The following ZNF836 variants were observed in gnomAD, a reference collection of about 807,000 sequenced individuals.
The protein encoded by ZNF836 is zinc finger protein 836.
A neutral mutation model predicts 7.4 loss-of-function variants in ZNF836; 12 were observed. The ratio of observed to expected loss-of-function variants is 1.61; its 90% CI spans 1.03 to 2.61. The LOEUF (loss-of-function observed/expected upper bound fraction) is 2.61. Ranked by LOEUF, ZNF836 falls within the 30% of genes most tolerant of loss-of-function variation. ZNF836 has a pLI of 0.00. For missense variants in ZNF836, 998 were observed against 1,126.2 expected, an observed-to-expected ratio of 0.89 and a Z score of 1.63; for synonymous variants, 365 against 382.6, an observed-to-expected ratio of 0.95 and a Z score of 0.54.
In ZNF836 at chr19:52,158,685, G is replaced by A. The variant is rs185023570; in HGVS notation, c.143-1145C>T. Among the ~76,000 whole-genome samples the A allele has an allele frequency of 2.7e-3, 413 of 152,264 alleles. 2 individuals carry two copies. Among genetic ancestry groups the A allele is most frequent in the Non-Finnish European group, 4.0e-3 (275 of 68,032 alleles). On this transcript the variant is annotated intron_variant, in intron 4 of 4. Coordinates refer to ENST00000682614, the MANE Select transcript of ZNF836 (RefSeq NM_001102657.3). ...TTGAACCCAGGAGGCAGAGGTTGTA[G>A]TGAGCTGAGATCGCGCCACAGCACT...
chr19:52,161,664 A>C lies in ZNF836; in HGVS notation c.16-1073T>G, dbSNP rs1413636716. Among the ~76,000 whole-genome samples the C allele has an allele frequency of 2.0e-5, 3 of 152,162 alleles. No homozygotes were observed. Among genetic ancestry groups the C allele is most frequent in the African/African-American group, 2.4e-5 (1 of 41,426 alleles). ...GAATTGTGGAGGAGAAAAAAAAAAA[A>C]AACTCAGACTGTAACATTCCACCCC... is the stretch of plus-strand genomic sequence containing the variant. On this transcript the variant is annotated intron_variant, in intron 3 of 4. Transcript: ENST00000682614. The surrounding 1 kb of genome is among the most constrained non-coding windows in gnomAD (Gnocchi z 4.1).
Position 52,156,187 on chromosome 19 carries a change from T to C in ZNF836, c.1496A>G (p.Lys499Arg). Residue 499 changes from lysine to arginine, a missense_variant, in exon 5 of 5, where the codon AAA (lysine) becomes AGA (arginine). Transcript: ENST00000682614. ...RRIHTGEKPY[K>R]CDKCGKAFKQ... ...AAAGGCTTTACCACATTTATCACAT[T>C]TGTAAGGTTTCTCTCCAGTATGAAT... 3 of 1,614,198 alleles carry C rather than the reference T, an allele frequency of 1.9e-6. No homozygotes were observed. Among genetic ancestry groups the C allele is most frequent in the East Asian group, 2.2e-5 (1 of 44,882 alleles).
At position 52,156,657 on chromosome 19, in the gene ZNF836, G is replaced by C; in HGVS notation, c.1026C>G (p.Gly342=). 6.2e-7 allele frequency: 1 copy of C among 1,613,950 alleles called. No individual in the cohort carries two copies. Among genetic ancestry groups the C allele is most frequent in the Non-Finnish European group, 8.5e-7 (1 of 1,179,950 alleles). The change falls in exon 5 of 5, where the codon GGC becomes GGG. Residue 342 remains glycine, a synonymous_variant. Coordinates refer to ENST00000682614, the MANE Select transcript of ZNF836 (RefSeq NM_001102657.3). The part of the protein sequence containing the change: ...CNECGKTFKQ[G]SCLTTHQIIH... ...TTATCTGATGTGTAGTGAGGCATGA[G>C]CCTTGTTTGAAGGTTTTCCCACACT...
chr19:52,170,827 G>C (rs1479246237), intron 1 of ZNF836, among the ~76,000 whole-genome samples: 2 of 152,122 alleles, frequency 1.3e-5, no homozygotes, highest in Non-Finnish European at 2.9e-5. Context: ...AGTAAGAAAG[G>C]GGAGGAATAG....
intron 3 of ZNF836, among the ~76,000 whole-genome samples, chr19:52,164,850 G>A (rs1361362892): frequency 6.6e-6 from 1 of 152,198 alleles, no homozygotes; most frequent in Non-Finnish European, 1.5e-5. Context: ...CACTTCTGGA[G>A]GCTAAGGCAA....
rs190946118 is a variant in ZNF836 at position 52,166,222 on chromosome 19, C to A, written c.15+1836G>T. Among the ~76,000 whole-genome samples, 10 of 152,248 alleles carry A rather than the reference C, an allele frequency of 6.6e-5. No homozygotes were observed. In the East Asian group the frequency reaches 1.9e-3, roughly 30 times the overall value. ...GGCCAGGCTGGTCTCTAACTCCTGACCTGGTGATCCGCCTGCCTCAGCCTT... is the reference window on the plus strand; with the variant it reads ...GGCCAGGCTGGTCTCTAACTCCTGAACTGGTGATCCGCCTGCCTCAGCCTT... On this transcript the variant is annotated intron_variant, in intron 3 of 4. Coordinates refer to ENST00000682614, the MANE Select transcript of ZNF836 (RefSeq NM_001102657.3).
chr19:52,166,772 G>A (rs895822140), intron 3 of ZNF836, among the ~76,000 whole-genome samples: 2 of 151,062 alleles, frequency 1.3e-5, no homozygotes, highest in African/African-American at 4.9e-5. Context: ...GTAGAGACGG[G>A]GTTTCACCTT....
intron 3 of ZNF836, among the ~76,000 whole-genome samples, chr19:52,164,746 T>C (rs567344178): frequency 6.6e-6 from 1 of 152,244 alleles, no homozygotes; most frequent in South Asian, 2.1e-4. Flanking sequence ...TGAATATATA[T>C]AACATTACTT....
At chr19:52,160,740 T>C (rs2089206531) in intron 3 of ZNF836, 149 bp from the exon 4 acceptor site, 1 of 918,396 alleles carries the variant, frequency 1.1e-6, no homozygotes, top group Non-Finnish European at 1.6e-6. Flanking sequence ...GTGTCCCTAA[T>C]TTAAGTTTGT....
chr19:52,156,656 A>G lies in ZNF836; in HGVS notation c.1027T>C (p.Ser343Pro). Residue 343 changes from serine to proline, a missense_variant, in exon 5 of 5, where the codon TCA becomes CCA. Physicochemically the swap from Ser to Pro is moderately conservative, Grantham distance 74. Coordinates refer to ENST00000682614, the MANE Select transcript of ZNF836 (RefSeq NM_001102657.3). ...NECGKTFKQGSCLTTHQIIHT... is the reference protein window; with the variant it reads ...NECGKTFKQGPCLTTHQIIHT... ...ATTATCTGATGTGTAGTGAGGCATG[A>G]GCCTTGTTTGAAGGTTTTCCCACAC... 1.9e-6 allele frequency: 3 copies of G among 1,613,498 alleles called. No individual in the cohort carries two copies. Among genetic ancestry groups the G allele is most frequent in the Non-Finnish European group, 2.5e-6 (3 of 1,179,570 alleles).
rs2089154873 is a variant in ZNF836, at chr19:52,156,059, C to A, written c.1624G>T (p.Val542Leu). Residue 542 changes from valine to leucine, a missense_variant, in exon 5 of 5, where the codon GTA becomes TTA. Val to Leu is a conservative substitution (Grantham distance 32). Coordinates refer to ENST00000682614, the MANE Select transcript of ZNF836 (RefSeq NM_001102657.3). ...CCAGTATGAATTCTTAAATGTCTTA[C>A]AAGGCATGAATTTTCACTAAAGACC... is the stretch of plus-strand genomic sequence containing the variant. ...GKVFSENSCL[V>L]RHLRIHTGEQ... is the part of the protein sequence containing the mutation. 6.2e-7 allele frequency: 1 copy of A among 1,613,894 alleles called. No homozygotes were observed. The highest frequency in any genetic ancestry group is 1.1e-5 in the South Asian group (1 of 91,086).
At position 52,161,934 on chromosome 19, in the gene ZNF836, G is replaced by A. The variant is rs1465488071; in HGVS notation, c.16-1343C>T. On this transcript the variant is annotated intron_variant, in intron 3 of 4. Coordinates refer to ENST00000682614, the MANE Select transcript of ZNF836 (RefSeq NM_001102657.3). The surrounding 1 kb of genome is among the most constrained non-coding windows in gnomAD (Gnocchi z 4.1). ...AAATACAATGGTGGGGCAGACACAG[G>A]TTAAATATTTCAATTCCAAAAGGGA... is the stretch of plus-strand genomic sequence containing the variant. Among the ~76,000 whole-genome samples, 1 of 152,194 alleles carries A rather than the reference G, an allele frequency of 6.6e-6. No homozygotes were observed. Among genetic ancestry groups the A allele is most frequent in the Non-Finnish European group, 1.5e-5 (1 of 68,034 alleles).
At position 52,155,501 on chromosome 19, in the gene ZNF836, C is replaced by T; in HGVS notation, c.2182G>A (p.Gly728Ser). 1 of 1,613,972 alleles carries T rather than the reference C, an allele frequency of 6.2e-7. No homozygotes were observed. Among genetic ancestry groups the T allele is most frequent in the Non-Finnish European group, 8.5e-7 (1 of 1,179,892 alleles). The change falls in exon 5 of 5, where the codon GGT becomes AGT. Residue 728 changes from glycine to serine, a missense_variant. Coordinates refer to ENST00000682614, the MANE Select transcript of ZNF836 (RefSeq NM_001102657.3). ...GEKPHKCSHC[G>S]RTFSHITGLT... Reference sequence around the variant, plus strand: ...CCTGTTATATGACTAAAAGTTCTACCACAATGGCTACATTTGTGTGGTTTC... The same window carrying T: ...CCTGTTATATGACTAAAAGTTCTACTACAATGGCTACATTTGTGTGGTTTC...
chr19:52,155,552 T>C lies in ZNF836; in HGVS notation c.2131A>G (p.Arg711Gly), dbSNP rs1182523036. 60 of 1,613,898 alleles carry C rather than the reference T, an allele frequency of 3.7e-5. No homozygotes were observed. Among genetic ancestry groups the C allele is most frequent in the Non-Finnish European group, 4.9e-5 (58 of 1,179,910 alleles). The change falls in exon 5 of 5, where the codon AGA becomes GGA. Residue 711 changes from arginine (R) to glycine (G), a missense_variant. Physicochemically the swap from Arg to Gly is moderately radical, Grantham distance 125. Coordinates refer to ENST00000682614, the MANE Select transcript of ZNF836 (RefSeq NM_001102657.3). Reference sequence around the variant, plus strand: ...TCCCCAGTAGGATTTCTGTGATATCTTGCAAGTTTTGAACTTTGGATAAAT... The same window carrying C: ...TCCCCAGTAGGATTTCTGTGATATCCTGCAAGTTTTGAACTTTGGATAAAT... ...GAFIQSSKLARYHRNPTGEKP... is the reference protein window; with the variant it reads ...GAFIQSSKLAGYHRNPTGEKP...
At chr19:52,168,600 C>A (rs1220401374) in intron 2 of ZNF836, among the ~76,000 whole-genome samples, 1 of 151,812 alleles carries the variant, frequency 6.6e-6, no homozygotes, top group African/African-American at 2.4e-5. Flanking sequence ...ATAAATAAAT[C>A]AATCAATAAA....
At position 52,163,550 on chromosome 19, in the gene ZNF836, G is replaced by A. The variant is rs973698537; in HGVS notation, c.16-2959C>T. ...AGCACTTTGGGAGGCCGAGGTGGGC[G>A]GATCACAAGGTCAAGAGATCGAAAC... On this transcript the variant is annotated intron_variant, in intron 3 of 4. Coordinates refer to ENST00000682614, the MANE Select transcript of ZNF836 (RefSeq NM_001102657.3). Among the ~76,000 whole-genome samples the A allele has an allele frequency of 1.4e-4, 21 of 151,948 alleles. 1 individual carries two copies. In the South Asian group the frequency reaches 2.7e-3, roughly 20 times the overall value.
rs559112614 is a variant in ZNF836, at chr19:52,155,470, G to T, written c.2213C>A (p.Thr738Lys). 9.3e-6 allele frequency: 15 copies of T among 1,613,954 alleles called. No individual in the cohort carries two copies. In the South Asian group the frequency reaches 1.5e-4, roughly 17 times the overall value. ...GRTFSHITGL[T>K]YHQRRHTGEM... is the part of the protein sequence containing the mutation. ...TCCAGTATGCCTTCTCTGATGGTAC[G>T]TCAGGCCTGTTATATGACTAAAAGT... Residue 738 changes from threonine (T) to lysine (K), a missense_variant, in exon 5 of 5, where the codon ACG (threonine) becomes AAG (lysine). Coordinates refer to ENST00000682614, the MANE Select transcript of ZNF836 (RefSeq NM_001102657.3).
In ZNF836 at chr19:52,155,097, G is replaced by T. The variant is rs1472197308; in HGVS notation, c.2586C>A (p.Tyr862Ter). The change falls in exon 5 of 5, where the codon TAC (tyrosine) becomes TAA (stop). Residue 862 changes from tyrosine to a stop codon, truncating the protein, a stop_gained. Coordinates refer to ENST00000682614, the MANE Select transcript of ZNF836 (RefSeq NM_001102657.3). LOFTEE classifies it low-confidence loss of function (END_TRUNC). The part of the protein sequence containing the change: ...HQRNHTGEKP[Y>*]KCIECGKAFG... ...AGGCCTTGCCACATTCAATACATTT[G>T]TATGGCTTCTCTCCAGTGTGATTTC... The T allele has an allele frequency of 1.5e-5, 24 of 1,614,064 alleles. No individual in the cohort carries two copies. Among genetic ancestry groups the T allele is most frequent in the Non-Finnish European group, 2.0e-5 (24 of 1,180,006 alleles).
chr19:52,157,295 C>G lies in ZNF836; in HGVS notation c.388G>C (p.Glu130Gln), dbSNP rs764261790. Residue 130 changes from glutamate to glutamine, a missense_variant, in exon 5 of 5, where the codon GAG becomes CAG. Physicochemically the swap from Glu to Gln is conservative, Grantham distance 29. Coordinates refer to ENST00000682614, the MANE Select transcript of ZNF836 (RefSeq NM_001102657.3). ...LNGKRGQHSQ[E>Q]DVENKCIENQ... ...TCAATACATTTGTTTTCTACATCCT[C>G]TTGACTATGTTGACCTCTTTTACCA... 2.5e-6 allele frequency: 4 copies of G among 1,606,128 alleles called. No individual in the cohort carries two copies. The highest frequency in any genetic ancestry group is 3.4e-6 in the Non-Finnish European group (4 of 1,175,226).
Sources: allele counts gnomAD v4.1 joint callset (sites outside exome capture counted in the v4.1 genomes callset), GRCh38; gene constraint gnomAD v4.1.1; non-coding constraint Gnocchi (gnomAD v3.1); transcripts MANE v1.5; gene names NCBI Gene and HGNC (gene_info 2026-07-23, HGNC 2026-07-21).